Variants in KCTD3 observed in about 807,000 individuals in gnomAD.
The protein encoded by KCTD3 is potassium channel tetramerization domain containing 3, also known as BTB/POZ domain-containing protein KCTD3.
Under a neutral mutation model 85.8 loss-of-function variants are expected in KCTD3, and 41 were observed. The ratio of observed to expected loss-of-function variants is 0.48; its 90% CI spans 0.37 to 0.62. The LOEUF (loss-of-function observed/expected upper bound fraction) is 0.62. Ranked by LOEUF, KCTD3 falls within the 20% of genes least tolerant of loss-of-function variation. The probability of loss-of-function intolerance (pLI) is 0.00; values close to 1 mark genes in which losing one functional copy is unlikely to be tolerated. For synonymous variants in KCTD3, 338 were observed against 345.4 expected (o/e 0.98, Z 0.24); for missense variants, 724 against 989.9 (o/e 0.73, Z 3.60).
chr1:215,598,311 C>T (rs1473586366), intron 10 of KCTD3, among the ~76,000 whole-genome samples: 1 of 152,024 alleles, frequency 6.6e-6, no homozygotes, highest in African/African-American at 2.4e-5. Flanking sequence ...AAAGGAGATG[C>T]AAGAGGAAAC....
intron 9 of KCTD3, among the ~76,000 whole-genome samples, chr1:215,588,276 A>G (rs1435109816): frequency 6.6e-6 from 1 of 152,114 alleles, no homozygotes; most frequent in African/African-American, 2.4e-5. Context: ...CATAGTACTT[A>G]GTCATACAGA....
At chr1:215,618,000 T>C (rs1655522309) in intron 15 of KCTD3, 1 of 372,324 alleles carries the variant, frequency 2.7e-6, no homozygotes, top group Admixed American at 2.9e-5. Flanking sequence ...AGCATCTTGC[T>C]GTGGCCACTT....
At chr1:215,567,922 C>T (rs1571865536) in intron 1 of KCTD3, among the ~76,000 whole-genome samples, 154 bp downstream of exon 1, 2 of 152,000 alleles carry the variant, frequency 1.3e-5, no homozygotes, top group African/African-American at 4.8e-5. Context: ...GAACGTCGGG[C>T]GGATTTTGGA....
chr1:215,604,409 C>T, intron 13 of KCTD3, 107 bp downstream of exon 13: 1 of 848,790 alleles, frequency 1.2e-6, no homozygotes, highest in Non-Finnish European at 1.8e-6. Flanking sequence ...AAAAGAAGTA[C>T]TAGAAAAGTT....
At chr1:215,604,426 C>T in intron 13 of KCTD3, 124 bp downstream of exon 13, 1 of 715,756 alleles carries the variant, frequency 1.4e-6, no homozygotes, top group Non-Finnish European at 2.3e-6. Context: ...AGTTTAATGA[C>T]TGAAGAAATT....
chr1:215,620,014 C>G (rs762996470), intron 17 of KCTD3, 43 bp from the exon 18 acceptor site: 1 of 1,425,132 alleles, frequency 7.0e-7, no homozygotes, highest in Non-Finnish European at 9.5e-7. Context: ...TGAGAAATCA[C>G]AGAGTGAAAT....
chr1:215,603,299 T>C (rs996548814), intron 12 of KCTD3, among the ~76,000 whole-genome samples: 1 of 152,158 alleles, frequency 6.6e-6, no homozygotes, highest in African/African-American at 2.4e-5. Flanking sequence ...TGACATGCTT[T>C]TTTTCCTTTG....
chr1:215,572,155 A>G (rs941182365), intron 1 of KCTD3, among the ~76,000 whole-genome samples: 3 of 152,204 alleles, frequency 2.0e-5, no homozygotes, highest in African/African-American at 7.2e-5. Flanking sequence ...ATGCCTGCAG[A>G]TCGTACAGAA....
In KCTD3 at chr1:215,580,127, A is replaced by G. The variant is rs1035851674; in HGVS notation, c.626+128A>G. 7 of 614,308 alleles carry G rather than the reference A, an allele frequency of 1.1e-5. No homozygotes were observed. The African/African-American group carries it at 1.3e-4, about 11-fold the overall frequency. 38.1% of individuals were successfully genotyped at this position (614,308 alleles called of 1,614,324 possible). ...AGTTTTTTCCCTGCATATTTTACCC[A>G]TGTCTGTATCATCTGATTAAGATTT... On this transcript the variant is annotated intron_variant, in intron 8 of 17. Coordinates refer to ENST00000259154, the MANE Select transcript of KCTD3 (RefSeq NM_016121.5).
intron 14 of KCTD3, 76 bp downstream of exon 14, chr1:215,608,248 A>C (rs889089841): frequency 1.1e-6 from 1 of 921,714 alleles, no homozygotes; most frequent in Non-Finnish European, 1.5e-6. Flanking sequence ...TAATAAAACC[A>C]CAAAAATGAG....
Position 215,577,919 on chromosome 1 carries a change from C to G in KCTD3, c.317-82C>G, listed in dbSNP as rs1254483630. ...AATTTTCCTTTTCTTTCCTTATCCT[C>G]TTGAACTAGAGAAAATAAAAATGGA... On this transcript the variant is annotated intron_variant, in intron 5 of 17. Coordinates refer to ENST00000259154, the MANE Select transcript of KCTD3 (RefSeq NM_016121.5). 6 of 1,560,416 alleles carry G rather than the reference C, an allele frequency of 3.8e-6. No individual in the cohort carries two copies. The African/African-American group carries it at 6.9e-5, about 18-fold the overall frequency.
intron 10 of KCTD3, among the ~76,000 whole-genome samples, chr1:215,596,388 GAA>G (rs918034548): frequency 4.2e-4 from 64 of 152,066 alleles, no homozygotes; most frequent in Non-Finnish European, 1.5e-4. Context: ...GAAAGGGTGA[GAA>G]ATATTTGGAG....
intron 8 of KCTD3, 98 bp from the exon 9 acceptor site, chr1:215,586,397 G>GT: frequency 4.1e-6 from 4 of 976,212 alleles, no homozygotes; most frequent in East Asian, 2.5e-5. Context: ...TTTTTTTTTT[G>GT]TTTTTTGTTG....
chr1:215,595,273 C>T (rs1322382843), intron 9 of KCTD3, 83 bp from the exon 10 acceptor site: 2 of 831,574 alleles, frequency 2.4e-6, no homozygotes, highest in African/African-American at 3.3e-5. Context: ...AATTAGTCAC[C>T]TTTAAGATGT....
At chr1:215,611,687 T>G in intron 14 of KCTD3, 138 bp from the exon 15 acceptor site, 1 of 551,704 alleles carries the variant, frequency 1.8e-6, no homozygotes, top group East Asian at 2.9e-5. Context: ...ATTGCATGTC[T>G]GATGTTGAGC....
intron 1 of KCTD3, among the ~76,000 whole-genome samples, chr1:215,568,487 C>G (rs1052091645): frequency 9.4e-4 from 14 of 14,920 alleles, no homozygotes; most frequent in Non-Finnish European, 2.7e-3. Context: ...GGCCTTCCGC[C>G]CCCCCCCCCC....
intron 10 of KCTD3, among the ~76,000 whole-genome samples, chr1:215,597,197 A>G (rs1654611264): frequency 6.6e-6 from 1 of 151,992 alleles, no homozygotes; most frequent in Non-Finnish European, 1.5e-5. Context: ...AAAATGTTAT[A>G]AAAGCGTTGA....
intron 13 of KCTD3, among the ~76,000 whole-genome samples, chr1:215,605,444 A>G (rs898595327): frequency 6.6e-6 from 1 of 152,042 alleles, no homozygotes; most frequent in East Asian, 1.9e-4. Flanking sequence ...TCTTTTGCCC[A>G]GTTGCTGAGT....
intron 9 of KCTD3, among the ~76,000 whole-genome samples, chr1:215,589,591 AAAG>A (rs1381768913): frequency 6.6e-6 from 1 of 152,234 alleles, no homozygotes; most frequent in Non-Finnish European, 1.5e-5. Flanking sequence ...TCCCAGAAGG[AAAG>A]AAGGTGTCCA....
Sources: allele counts gnomAD v4.1 joint callset (sites outside exome capture counted in the v4.1 genomes callset), GRCh38; gene constraint gnomAD v4.1.1; transcripts MANE v1.5; gene names NCBI Gene and HGNC (gene_info 2026-07-23, HGNC 2026-07-21).